DSG2: variants seen among roughly 807,000 people sequenced by gnomAD.
The protein encoded by DSG2 is desmoglein 2, also known as desmoglein-2.
Under a neutral mutation model 75.6 loss-of-function variants are expected in DSG2, and 45 were observed. That is an observed-to-expected ratio of 0.60 (90% CI 0.47 to 0.76). The LOEUF is 0.76. Among genes scored for constraint, DSG2 ranks in the 30% least tolerant of loss-of-function variants. DSG2 has a pLI of 0.00. For synonymous variants in DSG2, 429 were observed against 483.9 expected (o/e 0.89, Z 1.49); for missense variants, 1,267 against 1,357.4 (o/e 0.93, Z 1.05).
At chr18:31,522,626 T>G (rs2073135723) in intron 6 of DSG2, 1 of 172,092 alleles carries the variant, frequency 5.8e-6, no homozygotes, top group African/African-American at 2.4e-5. Flanking sequence ...CATGTGTTTC[T>G]TTTTAAAATG....
chr18:31,530,061 C>T (rs997799989), intron 8 of DSG2, among the ~76,000 whole-genome samples: 1 of 151,918 alleles, frequency 6.6e-6, no homozygotes, highest in African/African-American at 2.4e-5. Flanking sequence ...GGAAATTGTG[C>T]TATTACAAAG....
rs773812422 is a variant in DSG2 at position 31,538,857 on chromosome 18, T to C, written c.1758T>C (p.Leu586=). 32 of 1,614,042 alleles carry C rather than the reference T, an allele frequency of 2.0e-5. No homozygotes were observed. The highest frequency in any genetic ancestry group is 2.7e-5 in the Non-Finnish European group (32 of 1,179,996). Residue 586 remains leucine (L), a synonymous_variant, in exon 12 of 15, where the codon CTT becomes CTC. Transcript: ENST00000261590. ...TTAGTTGTCCTGAAAAGCAGGTCCTTACACTCACAGTTTGTGAGTGTCTGC... is the reference window on the plus strand; with the variant it reads ...TTAGTTGTCCTGAAAAGCAGGTCCTCACACTCACAGTTTGTGAGTGTCTGC... ...QGFSCPEKQV[L]TLTVCECLHG...
intron 11 of DSG2, among the ~76,000 whole-genome samples, chr18:31,537,052 C>G (rs2073235352): frequency 6.6e-6 from 1 of 152,158 alleles, no homozygotes; most frequent in Admixed American, 6.5e-5. Flanking sequence ...TTCAGATGTC[C>G]TTCAGGGTGG....
chr18:31,524,683 CAT>C lies in DSG2; in HGVS notation c.829-19_829-18del, dbSNP rs111241096. ...ATTTGTATTTCATTGAAATAAAAAT[CAT>C]GTGTTCATGTTTTGCAGCTTGAAGG... On this transcript the variant is annotated intron_variant, in intron 7 of 14. Coordinates refer to ENST00000261590, the MANE Select transcript of DSG2 (RefSeq NM_001943.5). 112 of 1,613,728 alleles carry C rather than the reference CAT, an allele frequency of 6.9e-5. No individual in the cohort carries two copies. In the African/African-American group the frequency reaches 1.0e-3, roughly 14 times the overall value.
At chr18:31,506,375 A>T (rs941336810) in intron 1 of DSG2, among the ~76,000 whole-genome samples, 1 of 152,226 alleles carries the variant, frequency 6.6e-6, no homozygotes, top group Non-Finnish European at 1.5e-5. Flanking sequence ...CATTTCAGAG[A>T]TATAATCCTG....
chr18:31,514,501 T>C lies in DSG2; in HGVS notation c.46-3738T>C, dbSNP rs188548349. Among the ~76,000 whole-genome samples, 203 of 152,312 alleles carry C rather than the reference T, an allele frequency of 1.3e-3. 1 individual carries two copies. The highest frequency in any genetic ancestry group is 4.6e-3 in the African/African-American group (193 of 41,582). Reference sequence around the variant, plus strand: ...TACTAGCAGTCAAGAGTAACAAAAATTCTTGTGCTGACTACTGAAACAACA... The same window carrying C: ...TACTAGCAGTCAAGAGTAACAAAAACTCTTGTGCTGACTACTGAAACAACA... On this transcript the variant is annotated intron_variant, in intron 1 of 14. Transcript: ENST00000261590.
At chr18:31,506,196 A>G (rs1240667559) in intron 1 of DSG2, among the ~76,000 whole-genome samples, 2 of 152,170 alleles carry the variant, frequency 1.3e-5, no homozygotes, top group Non-Finnish European at 2.9e-5. Context: ...CCTGGCACCA[A>G]ATGCCTGTCT....
chr18:31,512,765 T>C (rs1225729602), intron 1 of DSG2, among the ~76,000 whole-genome samples: 1 of 152,194 alleles, frequency 6.6e-6, no homozygotes, highest in East Asian at 1.9e-4. Flanking sequence ...TTCTGAGAGT[T>C]TTCCCACACT....
At chr18:31,501,371 T>C (rs1386505404) in intron 1 of DSG2, among the ~76,000 whole-genome samples, 1 of 152,218 alleles carries the variant, frequency 6.6e-6, no homozygotes, top group Admixed American at 6.5e-5. Context: ...CAGATCACAC[T>C]GTGAGCAGAT....
intron 11 of DSG2, 33 bp from the exon 12 acceptor site, chr18:31,538,718 G>A (rs775005127): frequency 1.1e-5 from 18 of 1,579,728 alleles, no homozygotes; most frequent in Middle Eastern, 1.7e-4. Flanking sequence ...GTAATCGTTC[G>A]TTTTTATTTC....
chr18:31,516,080 A>C (rs115978227), intron 1 of DSG2, among the ~76,000 whole-genome samples: 1,652 of 152,318 alleles, frequency 0.011, 29 homozygotes, highest in African/African-American at 0.037. Context: ...TCAATTTGGA[A>C]TTATAAGTAA....
intron 1 of DSG2, among the ~76,000 whole-genome samples, chr18:31,499,486 A>G (rs1160200555): frequency 5.3e-5 from 8 of 152,150 alleles, no homozygotes; most frequent in African/African-American, 1.9e-4. Flanking sequence ...CCTAGCACAC[A>G]GTTCATTTTC....
intron 5 of DSG2, 151 bp downstream of exon 5, chr18:31,521,394 T>C (rs1268327484): frequency 4.7e-6 from 4 of 850,734 alleles, no homozygotes; most frequent in South Asian, 3.5e-5. Context: ...GCTTTCCTTA[T>C]AGGTTTAAAG....
rs535820580 is a variant in DSG2 at position 31,502,771 on chromosome 18, G to A, written c.45+4475G>A. Among the ~76,000 whole-genome samples, 3 of 150,868 alleles carry A rather than the reference G, an allele frequency of 2.0e-5. No individual in the cohort carries two copies. The East Asian group carries it at 5.8e-4, about 29-fold the overall frequency. ...GTCAAAAAAAAGAAGGAAGGAAGGA[G>A]GGAAGAAAGGAAGGGAGGGAGGGAG... On this transcript the variant is annotated intron_variant, in intron 1 of 14. Coordinates refer to ENST00000261590, the MANE Select transcript of DSG2 (RefSeq NM_001943.5).
At chr18:31,537,567 C>T (rs1421023271) in intron 11 of DSG2, among the ~76,000 whole-genome samples, 2 of 151,308 alleles carry the variant, frequency 1.3e-5, no homozygotes, top group Non-Finnish European at 2.9e-5. Context: ...TGCAGTGAGC[C>T]GAGATTGTGC....
At chr18:31,535,492 T>C (rs2073224235) in intron 10 of DSG2, 80 bp downstream of exon 10, 2 of 1,344,414 alleles carry the variant, frequency 1.5e-6, no homozygotes, top group Non-Finnish European at 2.1e-6. Context: ...ATTGATTTGA[T>C]TGTGTATAAA....
chr18:31,507,347 T>G (rs1187983435), intron 1 of DSG2, among the ~76,000 whole-genome samples: 1 of 152,228 alleles, frequency 6.6e-6, no homozygotes, highest in Non-Finnish European at 1.5e-5. Context: ...TTTGGGTTGG[T>G]TCCAAGTTTT....
intron 8 of DSG2, 109 bp downstream of exon 8, chr18:31,524,997 A>AT: frequency 9.6e-7 from 1 of 1,040,432 alleles, no homozygotes; most frequent in South Asian, 1.4e-5. Flanking sequence ...TCAATTAACT[A>AT]GCACTACAGT....
intron 1 of DSG2, among the ~76,000 whole-genome samples, chr18:31,514,056 T>C (rs2073080817): frequency 6.6e-6 from 1 of 152,122 alleles, no homozygotes; most frequent in African/African-American, 2.4e-5. Flanking sequence ...GATCACCAAA[T>C]GCAATGTGGA....
Sources: allele counts gnomAD v4.1 joint callset (sites outside exome capture counted in the v4.1 genomes callset), GRCh38; gene constraint gnomAD v4.1.1; transcripts MANE v1.5; gene names NCBI Gene and HGNC (gene_info 2026-07-23, HGNC 2026-07-21).